Variants in PDE1C observed in about 807,000 individuals in gnomAD.
PDE1C encodes dual specificity calcium/calmodulin-dependent 3',5'-cyclic nucleotide phosphodiesterase 1C.
A neutral mutation model predicts 93.1 loss-of-function variants in PDE1C; 62 were observed. The ratio of observed to expected loss-of-function variants is 0.67; its 90% confidence interval spans 0.54 to 0.82. PDE1C has a LOEUF of 0.82. PDE1C is among the 40% of genes least tolerant of loss of function. The pLI is 0.00. For synonymous variants in PDE1C, 325 were observed against 310.1 expected, an observed-to-expected ratio of 1.05 and a Z score of -0.50; for missense variants, 742 against 884.6, an observed-to-expected ratio of 0.84 and a Z score of 2.04.
intron 3 of PDE1C, among the ~76,000 whole-genome samples, chr7:32,153,489 G>A (rs1387221477): frequency 6.6e-6 from 1 of 152,178 alleles, no homozygotes. Flanking sequence ...ACAAGAGAAG[G>A]TCAAGGGGGA....
intron 2 of PDE1C, among the ~76,000 whole-genome samples, chr7:31,948,511 C>T (rs1264511319): frequency 3.9e-5 from 6 of 152,154 alleles, no homozygotes; most frequent in African/African-American, 1.2e-4. Context: ...TTTATACTCA[C>T]TTAGCTTCAT....
chr7:31,678,715 G>C, the PDE1C span, among the ~76,000 whole-genome samples: 2 of 152,076 alleles, frequency 1.3e-5, no homozygotes, highest in African/African-American at 2.4e-5. Context: ...ATTTTCTGAG[G>C]TCACCAAAAG....
chr7:32,161,002 T>G (rs1481146572), intron 3 of PDE1C, among the ~76,000 whole-genome samples: 2 of 152,282 alleles, frequency 1.3e-5, no homozygotes, highest in East Asian at 3.9e-4. Context: ...GGAATTTCTC[T>G]AATGCCTGAG....
intron 2 of PDE1C, among the ~76,000 whole-genome samples, chr7:31,939,673 C>A (rs569644984): frequency 6.6e-6 from 1 of 152,266 alleles, no homozygotes; most frequent in South Asian, 2.1e-4. Flanking sequence ...CTTGACTCAT[C>A]AAGACCTGCT....
the PDE1C span, among the ~76,000 whole-genome samples, chr7:31,735,847 C>G: frequency 5.9e-5 from 9 of 152,224 alleles, no homozygotes; most frequent in South Asian, 1.9e-3. Context: ...TGTGGGAGAT[C>G]GGTTTCAGGA....
intron 16 of PDE1C, among the ~76,000 whole-genome samples, chr7:31,794,183 A>T (rs1400859910): frequency 6.6e-6 from 1 of 151,934 alleles, no homozygotes; most frequent in East Asian, 1.9e-4. Flanking sequence ...GTAACTTCTT[A>T]AAACCTTGCC....
intron 16 of PDE1C, among the ~76,000 whole-genome samples, chr7:31,780,185 C>T (rs1233570653): frequency 6.6e-6 from 1 of 152,098 alleles, no homozygotes; most frequent in Non-Finnish European, 1.5e-5. Context: ...TTTAATGTTC[C>T]CAGGTGAGCC....
chr7:31,885,993 C>A (rs530151523), intron 2 of PDE1C, among the ~76,000 whole-genome samples: 1 of 152,224 alleles, frequency 6.6e-6, no homozygotes, highest in African/African-American at 2.4e-5. Context: ...AAGGTTATTC[C>A]CTCTGAGGAT....
chr7:32,257,018 C>T (rs980737842), intron 1 of PDE1C, among the ~76,000 whole-genome samples: 9 of 152,120 alleles, frequency 5.9e-5, no homozygotes, highest in African/African-American at 2.2e-4. Flanking sequence ...CCCTGCATTC[C>T]ACAAGCATAT....
At chr7:31,988,779 G>A (rs2129071373) in intron 2 of PDE1C, among the ~76,000 whole-genome samples, 1 of 152,206 alleles carries the variant, frequency 6.6e-6, no homozygotes, top group East Asian at 1.9e-4. Context: ...GGCGGATCAT[G>A]AGGTCAGGAG....
At chr7:32,093,072 C>T (rs1797563878) in intron 3 of PDE1C, among the ~76,000 whole-genome samples, 1 of 152,166 alleles carries the variant, frequency 6.6e-6, no homozygotes, top group South Asian at 2.1e-4. Context: ...TCTGGCAAAC[C>T]AGAACAAGAC....
At chr7:31,642,485 C>G in the PDE1C span, among the ~76,000 whole-genome samples, 1 of 152,188 alleles carries the variant, frequency 6.6e-6, no homozygotes, top group East Asian at 1.9e-4. Flanking sequence ...CCTTCCTTTC[C>G]TTTTGACTTT....
chr7:32,155,941 A>G (rs1042881450), intron 3 of PDE1C, among the ~76,000 whole-genome samples: 2 of 152,114 alleles, frequency 1.3e-5, no homozygotes, highest in African/African-American at 4.8e-5. Flanking sequence ...AGGAGCAGGG[A>G]GCAGCACAAC....
Position 32,003,923 on chromosome 7 carries a change from T to C in PDE1C, c.128+47631A>G, listed in dbSNP as rs556816075. ...ACAACTAATTTCAGATAACAATGTT[T>C]TATTAAGAAGAGTGAGGAAGACCTT... On this transcript the variant is annotated intron_variant, in intron 2 of 17. Transcript: ENST00000396191. 5.3e-5 allele frequency among the ~76,000 whole-genome samples: 8 copies of C among 152,238 alleles called. No homozygotes were observed. The South Asian group carries it at 1.7e-3, about 32-fold the overall frequency.
intron 15 of PDE1C, among the ~76,000 whole-genome samples, chr7:31,812,923 T>A (rs1451036016): frequency 6.6e-6 from 1 of 152,120 alleles, no homozygotes; most frequent in African/African-American, 2.4e-5. Context: ...CTCTACTTAA[T>A]GGTTGCTTGA....
intron 1 of PDE1C, among the ~76,000 whole-genome samples, chr7:32,286,474 T>C (rs1379206766): frequency 6.6e-6 from 1 of 152,208 alleles, no homozygotes; most frequent in Non-Finnish European, 1.5e-5. Flanking sequence ...AAAATAGTAG[T>C]ATACATGGTG....
chr7:31,623,856 T>G, the PDE1C span, among the ~76,000 whole-genome samples: 59,704 of 151,890 alleles, frequency 0.39, 12,291 homozygotes, highest in Middle Eastern at 0.48. Context: ...TGATATGATT[T>G]TATATGTAGA....
At chr7:32,344,267 G>T (rs1783810655) in intron 1 of PDE1C, among the ~76,000 whole-genome samples, 1 of 151,904 alleles carries the variant, frequency 6.6e-6, no homozygotes, top group African/African-American at 2.4e-5. Flanking sequence ...TAGAGAGGGA[G>T]GTTTCACTAT....
chr7:31,933,456 T>C (rs990815057), intron 2 of PDE1C, among the ~76,000 whole-genome samples: 1 of 152,188 alleles, frequency 6.6e-6, no homozygotes, highest in Non-Finnish European at 1.5e-5. Flanking sequence ...ACACCAATTA[T>C]TGTATTGGAA....
Sources: gnomAD v4.1 joint callset for allele counts (sites outside exome capture counted in the v4.1 genomes callset) on GRCh38, gnomAD v4.1.1 for gene constraint, MANE v1.5 for transcripts, NCBI Gene and HGNC (gene_info 2026-07-23, HGNC 2026-07-21) for gene names.